DUT: variants seen among roughly 807,000 people sequenced by gnomAD.
DUT encodes deoxyuridine triphosphatase, also known as deoxyuridine 5'-triphosphate nucleotidohydrolase, mitochondrial.
DUT carries 21 observed loss-of-function variants against 28.8 expected under a neutral mutation model. The observed-to-expected ratio is 0.73, with a 90% CI of 0.52 to 1.05. The LOEUF (loss-of-function observed/expected upper bound fraction) is 1.05. Among genes scored for constraint, DUT ranks in the 50% least tolerant of loss-of-function variants. DUT has a pLI of 0.00. For missense variants in DUT, 344 were observed against 351.8 expected (o/e 0.98, Z 0.18); for synonymous variants, 147 against 143.7 (o/e 1.02, Z -0.17).
At chr15:48,332,175 C>G in intron 1 of DUT, 93 bp from the exon 2 acceptor site, 1 of 1,461,410 alleles carries the variant, frequency 6.8e-7, no homozygotes, top group Non-Finnish European at 9.0e-7. Flanking sequence ...TCGGTTTTGG[C>G]GCGCTCCCTG....
In DUT at chr15:48,331,659, C is replaced by A. The variant is rs750884874; in HGVS notation, c.144C>A (p.Ala48=). The change falls in exon 1 of 7, where the codon GCC becomes GCA. Residue 48 remains alanine (A), a synonymous_variant. Transcript: ENST00000331200. The part of the protein sequence containing the change: ...LSGPGPPLGR[A]AQHGIPRPLS... ...GGCCAGGCCCGCCCCTCGGCCGCGC[C>A]GCGCAGCACGGGATTCCCCGGCCGC... 2 of 1,536,826 alleles carry A rather than the reference C, an allele frequency of 1.3e-6. No individual in the cohort carries two copies. The highest frequency in any genetic ancestry group is 1.4e-5 in the African/African-American group (1 of 71,408).
rs2042454432 is a variant in DUT at position 48,334,543 on chromosome 15, A to G, written c.511+35A>G. On this transcript the variant is annotated intron_variant, in intron 3 of 6. Transcript: ENST00000331200. ...TTAAGAAACAGGTAACTATTTGTCA[A>G]GTTCTCCTTTGTGATAGATTCTTCA... The G allele has an allele frequency of 3.4e-6, 5 of 1,462,916 alleles. No homozygotes were observed. The Admixed American group carries it at 5.1e-5, about 15-fold the overall frequency. The allele number at this position is 1,462,916 out of a possible 1,614,324, so 90.6% of individuals were successfully genotyped here. A position where few individuals can be genotyped will look rare whatever the true frequency, so the allele number is the denominator to read the frequency against.
chr15:48,337,405 G>C (rs893903168), intron 4 of DUT, among the ~76,000 whole-genome samples: 2 of 152,192 alleles, frequency 1.3e-5, no homozygotes, highest in Non-Finnish European at 2.9e-5. Context: ...GTAGGTCCCA[G>C]CTCTGTCATT....
Position 48,331,637 on chromosome 15 carries a change from C to T in DUT, c.122C>T (p.Pro41Leu). The T allele has an allele frequency of 6.5e-7, 1 of 1,543,014 alleles. No individual in the cohort carries two copies. Among genetic ancestry groups the T allele is most frequent in the South Asian group, 1.2e-5 (1 of 83,280 alleles). The change falls in exon 1 of 7, where the codon CCA becomes CTA. Residue 41 changes from proline (P) to leucine (L), a missense_variant. Transcript: ENST00000331200. Reference protein sequence around the residue: ...QRAEAAVLSGPGPPLGRAAQH... With the variant: ...QRAEAAVLSGLGPPLGRAAQH... ...GCCGAAGCCGCGGTACTCTCCGGGCCAGGCCCGCCCCTCGGCCGCGCCGCG... is the reference window on the plus strand; with the variant it reads ...GCCGAAGCCGCGGTACTCTCCGGGCTAGGCCCGCCCCTCGGCCGCGCCGCG...
rs2042517378 is a variant in DUT, at chr15:48,340,092, C to T, written c.557-1197C>T. 2.6e-5 allele frequency: 4 copies of T among 151,988 alleles called. No homozygotes were observed. The South Asian group carries it at 8.3e-4, about 32-fold the overall frequency. The allele number at this position is 151,988 out of a possible 1,614,324, so 9.4% of individuals were successfully genotyped here. A position where few individuals can be genotyped will look rare whatever the true frequency, so the allele number is the denominator to read the frequency against. ...GAGTATGGGCAAATAGCATTACTGC[C>T]CATTGAGCTGAACACAGGATTATTT... On this transcript the variant is annotated intron_variant, in intron 4 of 6. Coordinates refer to ENST00000331200, the MANE Select transcript of DUT (RefSeq NM_001025248.2).
rs941058070 is a variant in DUT, at chr15:48,342,556, G to A, written c.*478G>A. On this transcript the variant is annotated 3_prime_UTR_variant, in exon 7 of 7. Coordinates refer to ENST00000331200, the MANE Select transcript of DUT (RefSeq NM_001025248.2). Reference sequence around the variant, plus strand: ...AACTAAAATAAAAATGAAAAGGAGAGATTAAAGGTATTCCTTGTTCTTCCC... The same window carrying A: ...AACTAAAATAAAAATGAAAAGGAGAAATTAAAGGTATTCCTTGTTCTTCCC... The A allele has an allele frequency of 1.3e-5, 2 of 152,190 alleles. No individual in the cohort carries two copies. The highest frequency in any genetic ancestry group is 1.5e-5 in the Non-Finnish European group (1 of 68,038). The allele number at this position is 152,190 out of a possible 1,614,324, so 9.4% of individuals were successfully genotyped here.
intron 2 of DUT, chr15:48,332,612 C>T (rs1266613698): frequency 5.7e-6 from 4 of 701,394 alleles, no homozygotes; most frequent in Non-Finnish European, 1.0e-5. Context: ...AATAGCTATA[C>T]GGTGTCTAGC....
chr15:48,336,616 C>T (rs907166981), intron 4 of DUT, among the ~76,000 whole-genome samples: 15 of 152,196 alleles, frequency 9.9e-5, no homozygotes, highest in African/African-American at 3.4e-4. Context: ...TGATACAGAG[C>T]TACTCCTCTT....
chr15:48,331,115 C>G (rs1338594397), upstream of DUT: 3 of 1,265,732 alleles, frequency 2.4e-6, no homozygotes, highest in South Asian at 4.0e-5. Context: ...TCACCGGCGC[C>G]GAGATGCGGT....
chr15:48,331,553 A>C lies in DUT; in HGVS notation c.38A>C (p.His13Pro), dbSNP rs1421954896. The change falls in exon 1 of 7, where the codon CAT becomes CCT. Residue 13 changes from histidine (H) to proline (P), a missense_variant. Physicochemically the swap from His to Pro is moderately conservative, Grantham distance 77. Coordinates refer to ENST00000331200, the MANE Select transcript of DUT (RefSeq NM_001025248.2). Reference protein sequence around the residue: ...PLCPRPALCYHFLTSLLRSAM... With the variant: ...PLCPRPALCYPFLTSLLRSAM... ...TGCCCTCGCCCCGCGCTCTGCTACC[A>C]TTTCCTTACGTCTCTGCTTCGCTCA... 1.9e-6 allele frequency: 3 copies of C among 1,610,442 alleles called. No homozygotes were observed. The Admixed American group carries it at 5.0e-5, about 27-fold the overall frequency.
intron 3 of DUT, 78 bp downstream of exon 3, chr15:48,334,586 TA>T: frequency 9.2e-7 from 1 of 1,088,840 alleles, no homozygotes; most frequent in Non-Finnish European, 1.4e-6. Context: ...TTTGGGGTAA[TA>T]AGCAGGCAAT....
intron 2 of DUT, 162 bp downstream of exon 2, chr15:48,332,568 A>G (rs1597479138): frequency 1.5e-5 from 11 of 753,992 alleles, no homozygotes; most frequent in Non-Finnish European, 2.2e-5. Context: ...CATAAATTAA[A>G]TAGAGATTTG....
At chr15:48,340,347 G>A (rs1341807105) in intron 4 of DUT, 1 of 152,086 alleles carries the variant, frequency 6.6e-6, no homozygotes, top group African/African-American at 2.4e-5. Context: ...TAATGTAAAT[G>A]TGCTATAATT....
At chr15:48,339,780 C>G (rs2042512863) in intron 4 of DUT, among the ~76,000 whole-genome samples, 1 of 152,148 alleles carries the variant, frequency 6.6e-6, no homozygotes, top group Non-Finnish European at 1.5e-5. Flanking sequence ...AGTGTTGCAT[C>G]AGGAACCTTT....
rs1301671733 is a variant in DUT, at chr15:48,332,307, C to T, written c.320C>T (p.Ala107Val). 6.2e-7 allele frequency: 1 copy of T among 1,608,738 alleles called. No individual in the cohort carries two copies. Among genetic ancestry groups the T allele is most frequent in the African/African-American group, 1.3e-5 (1 of 74,424 alleles). The stretch of plus-strand genomic sequence containing the variant: ...TCACCCAGTAAGCGGGCCCGGCCTG[C>T]GGAGGTGGGCGGCATGCAGCTCCGC... ...AISPSKRARP[A>V]EVGGMQLRFA... is the part of the protein sequence containing the mutation. Residue 107 changes from alanine to valine, a missense_variant, in exon 2 of 7, where the codon GCG becomes GTG. Transcript: ENST00000331200.
Position 48,342,057 on chromosome 15 carries a change from T to C in DUT, c.738T>C (p.Phe246=). 6.3e-7 allele frequency: 1 copy of C among 1,578,176 alleles called. No homozygotes were observed. Among genetic ancestry groups the C allele is most frequent in the South Asian group, 1.2e-5 (1 of 84,432 alleles). ...LDDTERGSGG[F]GSTGKN is the part of the protein sequence containing the mutation. The stretch of plus-strand genomic sequence containing the variant: ...ACACCGAAAGGGGTTCAGGAGGTTT[T>C]GGTTCCACTGGAAAGAATTAAAATT... The change falls in exon 7 of 7, where the codon TTT becomes TTC. Residue 246 remains phenylalanine, a synonymous_variant. Transcript: ENST00000331200.
At chr15:48,335,339 T>C (rs2042463399) in intron 3 of DUT, among the ~76,000 whole-genome samples, 1 of 152,182 alleles carries the variant, frequency 6.6e-6, no homozygotes, top group Admixed American at 6.5e-5. Context: ...AATAATAAGG[T>C]GTAACCTTAG....
At chr15:48,331,421 G>A (rs1328687273), upstream of DUT, 3 of 1,542,864 alleles carry the variant, frequency 1.9e-6, no homozygotes, top group African/African-American at 4.2e-5. Flanking sequence ...GACTGCTTCC[G>A]AGGTCATGTT....
chr15:48,332,327 C>A lies in DUT; in HGVS notation c.340C>A (p.Leu114Ile). ...ARPAEVGGMQ[L>I]RFARLSEHAT... Reference sequence around the variant, plus strand: ...GCCTGCGGAGGTGGGCGGCATGCAGCTCCGCTTTGCCCGGCTCTCCGAGCA... The same window carrying A: ...GCCTGCGGAGGTGGGCGGCATGCAGATCCGCTTTGCCCGGCTCTCCGAGCA... Residue 114 changes from leucine to isoleucine, a missense_variant, in exon 2 of 7, where the codon CTC becomes ATC. Transcript: ENST00000331200. 1 of 1,608,040 alleles carries A rather than the reference C, an allele frequency of 6.2e-7. No individual in the cohort carries two copies. Among genetic ancestry groups the A allele is most frequent in the Non-Finnish European group, 8.5e-7 (1 of 1,178,112 alleles).
Sources: allele counts gnomAD v4.1 joint callset (sites outside exome capture counted in the v4.1 genomes callset), GRCh38; gene constraint gnomAD v4.1.1; transcripts MANE v1.5; gene names NCBI Gene and HGNC (gene_info 2026-07-23, HGNC 2026-07-21).